Variants in AGPAT3 observed in about 807,000 individuals in gnomAD.
AGPAT3 encodes the protein 1-acylglycerol-3-phosphate O-acyltransferase 3, also known as 1-acyl-sn-glycerol-3-phosphate acyltransferase gamma.
AGPAT3 carries 5 observed loss-of-function variants against 47.3 expected under a neutral mutation model. The observed-to-expected ratio is 0.11, with a 90% CI of 0.06 to 0.22. The LOEUF (loss-of-function observed/expected upper bound fraction) is 0.22, where lower values mean the gene tolerates loss of function less well. Among genes scored for constraint, AGPAT3 ranks in the 10% least tolerant of loss-of-function variants. AGPAT3 has a pLI of 1.00. For synonymous variants in AGPAT3, 212 were observed against 208.3 expected (o/e 1.02, Z -0.15); for missense variants, 315 against 493.0 (o/e 0.64, Z 3.42).
chr21:43,881,318 C>T (rs2085849725), intron 1 of AGPAT3, among the ~76,000 whole-genome samples: 1 of 152,114 alleles, frequency 6.6e-6, no homozygotes, highest in African/African-American at 2.4e-5. Context: ...AGAAATTAAC[C>T]ACTATAAATA....
chr21:43,927,207 AG>A (rs2087085589), intron 2 of AGPAT3, among the ~76,000 whole-genome samples: 1 of 152,114 alleles, frequency 6.6e-6, no homozygotes. Flanking sequence ...TTTTACAGCA[AG>A]GTGTATTACT....
chr21:43,936,843 T>G (rs1487551874), intron 2 of AGPAT3, among the ~76,000 whole-genome samples: 1 of 152,246 alleles, frequency 6.6e-6, no homozygotes, highest in Non-Finnish European at 1.5e-5. Context: ...GAAAAGGGCT[T>G]CCCTGTGTAT....
At chr21:43,958,859 GGT>G (rs1231170797) in intron 2 of AGPAT3, among the ~76,000 whole-genome samples, 2 of 147,280 alleles carry the variant, frequency 1.4e-5, no homozygotes, top group African/African-American at 5.0e-5. Context: ...TGTGGTTTGC[GGT>G]GTGTGTGTGG....
intron 2 of AGPAT3, among the ~76,000 whole-genome samples, chr21:43,926,113 C>G (rs910247272): frequency 6.6e-6 from 1 of 152,254 alleles, no homozygotes; most frequent in African/African-American, 2.4e-5. Flanking sequence ...ACTGTGGCCA[C>G]TGGAGCATTC....
chr21:43,944,610 T>A (rs1004110472), intron 2 of AGPAT3, among the ~76,000 whole-genome samples: 1 of 152,188 alleles, frequency 6.6e-6, no homozygotes, highest in African/African-American at 2.4e-5. Flanking sequence ...AAACCAGCCT[T>A]GTTCCTCAGA....
In AGPAT3 at chr21:43,955,991, A is replaced by AGCT. The variant is rs2088440707; in HGVS notation, c.-48-3641_-48-3640insTGC. Among the ~76,000 whole-genome samples, 2 of 151,760 alleles carry AGCT rather than the reference A, an allele frequency of 1.3e-5. No individual in the cohort carries two copies. Among genetic ancestry groups the AGCT allele is most frequent in the South Asian group, 4.2e-4 (2 of 4,814 alleles). On this transcript the variant is annotated intron_variant, in intron 2 of 9. Transcript: ENST00000291572. The surrounding 1 kb of genome is among the most constrained non-coding windows in gnomAD (Gnocchi z 4.1). ...TGGAGCCCGGGCATCTGCTTCTCGG[A>AGCT]GCATCACAGCTGATGTGCTGGCCCT...
chr21:43,878,746 T>G (rs1393018186), intron 1 of AGPAT3, among the ~76,000 whole-genome samples: 1 of 151,954 alleles, frequency 6.6e-6, no homozygotes, highest in Non-Finnish European at 1.5e-5. Context: ...CTTTTTTTTT[T>G]TTTTTGGACA....
At chr21:43,871,739 CT>C (rs557118638) in intron 1 of AGPAT3, among the ~76,000 whole-genome samples, 36 of 152,252 alleles carry the variant, frequency 2.4e-4, no homozygotes, top group Non-Finnish European at 2.6e-4. Context: ...TGGGTGATGT[CT>C]TTTTCTCACC....
At position 43,941,215 on chromosome 21, in the gene AGPAT3, T is replaced by A. The variant is rs1179157926; in HGVS notation, c.-48-18419T>A. On this transcript the variant is annotated intron_variant, in intron 2 of 9. Coordinates refer to ENST00000291572, the MANE Select transcript of AGPAT3 (RefSeq NM_020132.5). ...CTCCCCTGGAGGTTCCACGCTAGAC[T>A]GTGTTTGTTTTTCTTGGTGCACACT... 2.6e-5 allele frequency among the ~76,000 whole-genome samples: 4 copies of A among 152,166 alleles called. No individual in the cohort carries two copies. The East Asian group carries it at 7.7e-4, about 29-fold the overall frequency.
At chr21:43,969,505 C>G (rs1424362578) in intron 5 of AGPAT3, among the ~76,000 whole-genome samples, 2 of 152,200 alleles carry the variant, frequency 1.3e-5, no homozygotes, top group South Asian at 2.1e-4. Context: ...CCAGGCCATC[C>G]TAAGGGGATC....
chr21:43,959,362 A>G (rs1207652748), intron 2 of AGPAT3, among the ~76,000 whole-genome samples: 8 of 58,484 alleles, frequency 1.4e-4, no homozygotes, highest in African/African-American at 3.2e-4. Flanking sequence ...TGTGTGTGGC[A>G]TGTGTGGTTT....
chr21:43,980,917 A>G (rs1011357081), intron 8 of AGPAT3, 72 bp from the exon 9 acceptor site: 28 of 1,438,842 alleles, frequency 1.9e-5, no homozygotes, highest in African/African-American at 1.6e-4. Context: ...ATTGCCAACA[A>G]TCTTCTCCTG....
intron 3 of AGPAT3, among the ~76,000 whole-genome samples, chr21:43,963,070 A>T (rs1231044819): frequency 6.6e-6 from 1 of 152,260 alleles, no homozygotes; most frequent in Non-Finnish European, 1.5e-5. Flanking sequence ...ATTTTAAAGC[A>T]AAACCGTATG....
At chr21:43,961,418 C>T (rs57891536) in intron 3 of AGPAT3, among the ~76,000 whole-genome samples, 9 of 92,726 alleles carry the variant, frequency 9.7e-5, no homozygotes, top group African/African-American at 2.9e-4. Context: ...ATATGGGAAA[C>T]GGTGAGCGCA....
At chr21:43,915,482 G>C (rs1370155062) in intron 2 of AGPAT3, among the ~76,000 whole-genome samples, 3 of 132,942 alleles carry the variant, frequency 2.3e-5, no homozygotes, top group Non-Finnish European at 4.6e-5. Context: ...TGCGATCTCG[G>C]GTCACTGTAA....
intron 1 of AGPAT3, among the ~76,000 whole-genome samples, chr21:43,887,641 T>G (rs558187471): frequency 2.6e-5 from 4 of 152,282 alleles, no homozygotes; most frequent in Admixed American, 2.6e-4. Context: ...ATATAGGTAG[T>G]TGTATACAGA....
chr21:43,888,000 C>A (rs1347573542), intron 1 of AGPAT3, among the ~76,000 whole-genome samples: 1 of 152,228 alleles, frequency 6.6e-6, no homozygotes. Flanking sequence ...TCTATACAAA[C>A]TTTTCATTTA....
At chr21:43,898,353 C>T (rs1487352806) in intron 1 of AGPAT3, among the ~76,000 whole-genome samples, 1 of 152,114 alleles carries the variant, frequency 6.6e-6, no homozygotes, top group Admixed American at 6.5e-5. Flanking sequence ...TTTCTGCCCT[C>T]CACCAGTTTG....
intron 2 of AGPAT3, among the ~76,000 whole-genome samples, chr21:43,958,517 C>T (rs1328781270): frequency 2.0e-5 from 3 of 146,384 alleles, no homozygotes; most frequent in East Asian, 2.0e-4. Context: ...GCGTGTGTGT[C>T]GTTTTTGGTG....
Sources: gnomAD v4.1 joint callset for allele counts (sites outside exome capture counted in the v4.1 genomes callset) on GRCh38, gnomAD v4.1.1 for gene constraint, Gnocchi (gnomAD v3.1) non-coding constraint, MANE v1.5 for transcripts, NCBI Gene and HGNC (gene_info 2026-07-23, HGNC 2026-07-21) for gene names.